DOK6: variants seen among roughly 807,000 people sequenced by gnomAD.
DOK6 encodes the protein downstream of tyrosine kinase 6.
DOK6 carries 22 observed loss-of-function variants against 44.0 expected under a neutral mutation model. That is an observed-to-expected ratio of 0.50 (90% CI 0.36 to 0.71). DOK6 has a LOEUF of 0.71. DOK6 is among the 30% of genes least tolerant of loss of function. The probability of loss-of-function intolerance (pLI) is 0.00; values close to 1 mark genes in which losing one functional copy is unlikely to be tolerated. For synonymous variants in DOK6, 166 were observed against 145.5 expected (o/e 1.14, Z -1.01); for missense variants, 340 against 416.4 (o/e 0.82, Z 1.60).
intron 7 of DOK6, among the ~76,000 whole-genome samples, chr18:69,819,858 C>T (rs1158522025): frequency 6.6e-6 from 1 of 151,966 alleles, no homozygotes; most frequent in East Asian, 1.9e-4. Context: ...TTTTGGCTTC[C>T]CTAGGCCACA....
chr18:69,676,875 C>T (rs1314498390), intron 3 of DOK6, among the ~76,000 whole-genome samples: 2 of 151,886 alleles, frequency 1.3e-5, no homozygotes, highest in Non-Finnish European at 2.9e-5. Flanking sequence ...CCTGTGAAAA[C>T]TTTAGATATG....
chr18:69,507,023 G>T (rs868639506), intron 1 of DOK6, among the ~76,000 whole-genome samples: 58 of 151,748 alleles, frequency 3.8e-4, no homozygotes, highest in African/African-American at 1.3e-3. Context: ...AGGTTTTTGT[G>T]TTTTTTTGTT....
chr18:69,711,646 C>T (rs1467515159), intron 5 of DOK6, among the ~76,000 whole-genome samples: 1 of 152,134 alleles, frequency 6.6e-6, no homozygotes, highest in East Asian at 1.9e-4. Flanking sequence ...TGTCCAAATA[C>T]TCCTCAGGGC....
At chr18:69,499,328 A>C (rs898400650) in intron 1 of DOK6, among the ~76,000 whole-genome samples, 2 of 152,014 alleles carry the variant, frequency 1.3e-5, no homozygotes, top group Non-Finnish European at 2.9e-5. Flanking sequence ...GAAAAATAGA[A>C]AACTGTTTTT....
rs1982233287 is a variant in DOK6 at position 69,841,930 on chromosome 18, A to C, written c.*547A>C. 1.3e-5 allele frequency: 2 copies of C among 154,306 alleles called. No individual in the cohort carries two copies. The highest frequency in any genetic ancestry group is 4.0e-4 in the South Asian group (2 of 5,010). The allele number at this position is 154,306 out of a possible 1,614,324, so 9.6% of individuals were successfully genotyped here. A position where few individuals can be genotyped will look rare whatever the true frequency, so the allele number is the denominator to read the frequency against. On this transcript the variant is annotated 3_prime_UTR_variant, in exon 8 of 8. Transcript: ENST00000382713. ...TGAAATTCAGAACACACTATTAAGCAGGGCCCTGTAGCTCTACTCGTGTGT... is the reference window on the plus strand; with the variant it reads ...TGAAATTCAGAACACACTATTAAGCCGGGCCCTGTAGCTCTACTCGTGTGT...
rs191925531 is a variant in DOK6 at position 69,471,086 on chromosome 18, C to T, written c.66+69776C>T. Reference sequence around the variant, plus strand: ...CCAATATAGAGAAACCCTGACTCTACTAAAAATACAAAATTAGCCGGGCGT... The same window carrying T: ...CCAATATAGAGAAACCCTGACTCTATTAAAAATACAAAATTAGCCGGGCGT... On this transcript the variant is annotated intron_variant, in intron 1 of 7. Coordinates refer to ENST00000382713, the MANE Select transcript of DOK6 (RefSeq NM_152721.6). Among the ~76,000 whole-genome samples, 455 of 151,518 alleles carry T rather than the reference C, an allele frequency of 3.0e-3. 4 individuals are homozygous for T. The highest frequency in any genetic ancestry group is 3.4e-3 in the Middle Eastern group (1 of 292).
intron 6 of DOK6, among the ~76,000 whole-genome samples, chr18:69,743,675 GAT>G (rs1491257405): frequency 6.6e-6 from 1 of 150,406 alleles, no homozygotes; most frequent in Non-Finnish European, 1.5e-5. Context: ...GAAAAAAAAA[GAT>G]TTTTTTTTTC....
In DOK6 at chr18:69,660,458, A is replaced by C. The variant is rs559093195; in HGVS notation, c.290-17276A>C. On this transcript the variant is annotated intron_variant, in intron 3 of 7. Transcript: ENST00000382713. ...CTTTTATCGTGGTATGCGCTAGTGC[A>C]GGATACTGACTTTTTTTTCAGATTG... 6.1e-4 allele frequency: 93 copies of C among 152,304 alleles called. 1 individual carries two copies. The highest frequency in any genetic ancestry group is 3.4e-3 in the Middle Eastern group (1 of 294). The allele number at this position is 152,304 out of a possible 1,614,324, so 9.4% of individuals were successfully genotyped here. A position where few individuals can be genotyped will look rare whatever the true frequency, so the allele number is the denominator to read the frequency against.
At chr18:69,588,551 T>C (rs1031258535) in intron 2 of DOK6, among the ~76,000 whole-genome samples, 1 of 152,138 alleles carries the variant, frequency 6.6e-6, no homozygotes, top group Non-Finnish European at 1.5e-5. Context: ...ACATTAGCCA[T>C]GTGTGGCTCA....
chr18:69,496,541 C>T (rs142137050), intron 1 of DOK6, among the ~76,000 whole-genome samples: 395 of 152,342 alleles, frequency 2.6e-3, no homozygotes, highest in African/African-American at 8.8e-3. Context: ...CACACAGTTC[C>T]CCAAATGGAC....
At chr18:69,581,210 A>G (rs1239419124) in intron 2 of DOK6, among the ~76,000 whole-genome samples, 1 of 152,102 alleles carries the variant, frequency 6.6e-6, no homozygotes, top group African/African-American at 2.4e-5. Flanking sequence ...GACGTTTTAG[A>G]ATTCTGCCCA....
intron 1 of DOK6, among the ~76,000 whole-genome samples, chr18:69,497,534 TCTC>T (rs1445370543): frequency 5.9e-5 from 9 of 152,344 alleles, no homozygotes; most frequent in East Asian, 3.9e-4. Context: ...CACTGGTTAT[TCTC>T]CTGCTCACAG....
intron 1 of DOK6, among the ~76,000 whole-genome samples, chr18:69,538,936 A>T (rs544349316): frequency 1.3e-5 from 2 of 152,204 alleles, no homozygotes; most frequent in Admixed American, 6.5e-5. Context: ...CTGTTTCTTC[A>T]TCTGTAACGT....
chr18:69,632,315 T>C (rs1191621646), intron 3 of DOK6, among the ~76,000 whole-genome samples: 2 of 151,838 alleles, frequency 1.3e-5, no homozygotes, highest in African/African-American at 4.8e-5. Flanking sequence ...AAGAACAGTT[T>C]CATGCATTTT....
At chr18:69,578,871 C>G (rs1360100969) in intron 2 of DOK6, among the ~76,000 whole-genome samples, 1 of 43,354 alleles carries the variant, frequency 2.3e-5, no homozygotes, top group East Asian at 9.8e-4. Flanking sequence ...ATACTTTGCA[C>G]TTCACTATAA....
At chr18:69,593,064 G>A (rs1308428879) in intron 2 of DOK6, among the ~76,000 whole-genome samples, 1 of 151,810 alleles carries the variant, frequency 6.6e-6, no homozygotes, top group Non-Finnish European at 1.5e-5. Flanking sequence ...TTTTTTTTAA[G>A]TGGAATTTGG....
In DOK6 at chr18:69,846,078, T is replaced by A. The variant is rs909394618; in HGVS notation, c.*4695T>A. ...TTCTCTGCAGACCTGCCACAAATCC[T>A]TACCTTCTTACTGAAGAATGTGACT... On this transcript the variant is annotated 3_prime_UTR_variant, in exon 8 of 8. Transcript: ENST00000382713. 2.6e-5 allele frequency: 4 copies of A among 152,220 alleles called. No homozygotes were observed. Among genetic ancestry groups the A allele is most frequent in the Non-Finnish European group, 5.9e-5 (4 of 68,050 alleles). 9.4% of individuals were successfully genotyped at this position (152,220 alleles called of 1,614,324 possible). A position where few individuals can be genotyped will look rare whatever the true frequency, so the allele number is the denominator to read the frequency against.
intron 1 of DOK6, among the ~76,000 whole-genome samples, chr18:69,514,734 T>C (rs1599168043): frequency 6.6e-6 from 1 of 151,812 alleles, no homozygotes; most frequent in Non-Finnish European, 1.5e-5. Flanking sequence ...TAAGAAACTA[T>C]TTTTATTTTA....
At chr18:69,823,775 T>G (rs1981647907) in intron 7 of DOK6, among the ~76,000 whole-genome samples, 1 of 152,124 alleles carries the variant, frequency 6.6e-6, no homozygotes, top group South Asian at 2.1e-4. Flanking sequence ...TGAGACCCGT[T>G]TGAGTTGCTT....
Sources: gnomAD v4.1 joint callset for allele counts (sites outside exome capture counted in the v4.1 genomes callset) on GRCh38, gnomAD v4.1.1 for gene constraint, MANE v1.5 for transcripts, NCBI Gene and HGNC (gene_info 2026-07-23, HGNC 2026-07-21) for gene names.